UNC13C: variants seen among roughly 807,000 people sequenced by gnomAD.
UNC13C encodes unc-13 homolog C, also known as protein unc-13 homolog C.
Under a neutral mutation model 245.4 loss-of-function variants are expected in UNC13C, and 174 were observed. The ratio of observed to expected loss-of-function variants is 0.71; its 90% confidence interval spans 0.63 to 0.80. UNC13C has a LOEUF of 0.80. UNC13C is among the 30% of genes least tolerant of loss of function. The probability of loss-of-function intolerance (pLI) is 0.00; values close to 1 mark genes in which losing one functional copy is unlikely to be tolerated. For synonymous variants in UNC13C, 992 were observed against 895.1 expected, an observed-to-expected ratio of 1.11 and a Z score of -1.93; for missense variants, 2,829 against 2,602.9, an observed-to-expected ratio of 1.09 and a Z score of -1.89.
At chr15:54,311,937 CTTA>C (rs1484842058) in intron 13 of UNC13C, among the ~76,000 whole-genome samples, 2 of 151,708 alleles carry the variant, frequency 1.3e-5, no homozygotes, top group Non-Finnish European at 2.9e-5. Flanking sequence ...GTTAAATTAT[CTTA>C]TTAGTGCTTA....
intron 17 of UNC13C, among the ~76,000 whole-genome samples, chr15:54,353,255 C>T (rs2039023620): frequency 6.6e-6 from 1 of 151,992 alleles, no homozygotes; most frequent in Admixed American, 6.6e-5. Context: ...AGATGCCAGG[C>T]AGGCAGGGAA....
intron 26 of UNC13C, among the ~76,000 whole-genome samples, chr15:54,545,552 G>A (rs1042680481): frequency 2.0e-5 from 3 of 152,030 alleles, no homozygotes; most frequent in African/African-American, 7.3e-5. Flanking sequence ...ATATCCATCT[G>A]GGCTAATATC....
intron 19 of UNC13C, among the ~76,000 whole-genome samples, chr15:54,435,333 A>C (rs900257704): frequency 6.6e-6 from 1 of 152,040 alleles, no homozygotes; most frequent in Non-Finnish European, 1.5e-5. Context: ...ACCAACCCAA[A>C]TCCCCATCAG....
chr15:54,190,183 T>C (rs1184436293), intron 4 of UNC13C, among the ~76,000 whole-genome samples: 2 of 152,114 alleles, frequency 1.3e-5, no homozygotes, highest in African/African-American at 2.4e-5. Flanking sequence ...ATAAGGAAAC[T>C]GAGCTAAGCT....
At chr15:54,223,578 T>C (rs113329287) in intron 4 of UNC13C, among the ~76,000 whole-genome samples, 1 of 151,746 alleles carries the variant, frequency 6.6e-6, no homozygotes, top group Non-Finnish European at 1.5e-5. Flanking sequence ...TTTTTGTTTT[T>C]GTTTTTGTTT....
chr15:54,025,805 C>T lies in UNC13C; in HGVS notation c.2983+9919C>T, dbSNP rs12438588. 5.5e-3 allele frequency among the ~76,000 whole-genome samples: 841 copies of T among 152,254 alleles called. 36 individuals carry two copies. The highest frequency in any genetic ancestry group is 0.038 in the Admixed American group (576 of 15,296). ...CCATTTTACATGATGATATTACAGG[C>T]AACATGATTATTCAGGTGTCATTTC... On this transcript the variant is annotated intron_variant, in intron 2 of 32. Transcript: ENST00000260323.
chr15:53,946,452 T>G, the UNC13C span, among the ~76,000 whole-genome samples: 12 of 15,122 alleles, frequency 7.9e-4, no homozygotes, highest in Admixed American at 2.4e-3. Context: ...CTTTTTTTTG[T>G]TTTTTTTTTT....
At chr15:54,495,840 A>T (rs76120784) in intron 20 of UNC13C, among the ~76,000 whole-genome samples, 2,229 of 152,088 alleles carry the variant, frequency 0.015, 45 homozygotes, top group African/African-American at 0.05. Context: ...AAATTAGAAC[A>T]GCCCTTTAAC....
chr15:54,605,915 G>A (rs1425831718), intron 30 of UNC13C, among the ~76,000 whole-genome samples: 1 of 152,182 alleles, frequency 6.6e-6, no homozygotes, highest in Non-Finnish European at 1.5e-5. Flanking sequence ...TTTGCAAACA[G>A]GGAAAATAAA....
At chr15:54,529,639 G>A (rs1481482947) in intron 25 of UNC13C, among the ~76,000 whole-genome samples, 1 of 152,118 alleles carries the variant, frequency 6.6e-6, no homozygotes, top group East Asian at 1.9e-4. Context: ...ATTATATAGT[G>A]AACATTCCTA....
At chr15:54,155,879 G>A (rs1173987086) in intron 4 of UNC13C, among the ~76,000 whole-genome samples, 2 of 152,204 alleles carry the variant, frequency 1.3e-5, no homozygotes, top group South Asian at 4.1e-4. Context: ...TACAAAACAT[G>A]AGTTGCATCA....
intron 1 of UNC13C, among the ~76,000 whole-genome samples, chr15:53,986,229 T>C (rs954438478): frequency 6.6e-6 from 1 of 152,096 alleles, no homozygotes; most frequent in African/African-American, 2.4e-5. Context: ...AAAATATGTC[T>C]TGAAGTCCTT....
At chr15:54,194,738 G>A (rs2034296564) in intron 4 of UNC13C, among the ~76,000 whole-genome samples, 1 of 152,102 alleles carries the variant, frequency 6.6e-6, no homozygotes, top group African/African-American at 2.4e-5. Flanking sequence ...GTATAAGAAA[G>A]GACATTATCT....
the UNC13C span, chr15:53,947,869 A>T: frequency 6.6e-6 from 1 of 152,244 alleles, no homozygotes; most frequent in South Asian, 2.1e-4. Context: ...AAAAATATCT[A>T]GAATCAAAAC....
intron 18 of UNC13C, among the ~76,000 whole-genome samples, chr15:54,404,602 A>G (rs980162456): frequency 1.3e-5 from 2 of 152,152 alleles, no homozygotes; most frequent in Admixed American, 6.5e-5. Flanking sequence ...ATTTGTGCAC[A>G]AGAAAACCTC....
chr15:53,843,192 AT>A, the UNC13C span, among the ~76,000 whole-genome samples: 1 of 152,146 alleles, frequency 6.6e-6, no homozygotes, highest in South Asian at 2.1e-4. Context: ...TGATCCCAAC[AT>A]TTTGGGAGGC....
At chr15:54,240,473 A>G (rs527417381) in intron 7 of UNC13C, among the ~76,000 whole-genome samples, 4 of 152,286 alleles carry the variant, frequency 2.6e-5, no homozygotes, top group African/African-American at 4.8e-5. Flanking sequence ...GAAAATATCA[A>G]ATGGTACCAC....
chr15:54,090,395 C>G (rs1899500709), intron 2 of UNC13C, among the ~76,000 whole-genome samples: 1 of 152,130 alleles, frequency 6.6e-6, no homozygotes, highest in Admixed American at 6.5e-5. Context: ...AGAGCAAATG[C>G]TTTGTAGTAC....
intron 19 of UNC13C, among the ~76,000 whole-genome samples, chr15:54,433,693 T>C (rs1444912476): frequency 6.6e-6 from 1 of 152,066 alleles, no homozygotes; most frequent in Non-Finnish European, 1.5e-5. Context: ...AGGCCCTCTC[T>C]CACCGCTTTT....
Sources: allele counts gnomAD v4.1 joint callset (sites outside exome capture counted in the v4.1 genomes callset), GRCh38; gene constraint gnomAD v4.1.1; transcripts MANE v1.5; gene names NCBI Gene and HGNC (gene_info 2026-07-23, HGNC 2026-07-21).